Variants in SPON1 observed in about 807,000 individuals in gnomAD.
SPON1 encodes spondin 1.
SPON1 carries 52 observed loss-of-function variants against 111.7 expected under a neutral mutation model. The ratio of observed to expected loss-of-function variants is 0.47; its 90% CI spans 0.37 to 0.59. The LOEUF is 0.59. SPON1 is among the 20% of genes least tolerant of loss of function. The probability of loss-of-function intolerance (pLI) is 0.00; values close to 1 mark genes in which losing one functional copy is unlikely to be tolerated. For missense variants in SPON1, 957 were observed against 1,068.5 expected, an observed-to-expected ratio of 0.90 and a Z score of 1.46; for synonymous variants, 410 against 395.8, an observed-to-expected ratio of 1.04 and a Z score of -0.43.
At chr11:14,195,128 A>G (rs4757238) in intron 6 of SPON1, among the ~76,000 whole-genome samples, 54,980 of 152,066 alleles carry the variant, frequency 0.36, 10,938 homozygotes, top group East Asian at 0.55. Context: ...GTCTTTTTCA[A>G]AAGTACATAC....
intron 5 of SPON1, among the ~76,000 whole-genome samples, chr11:14,100,143 G>T (rs1849132193): frequency 6.9e-6 from 1 of 145,882 alleles, no homozygotes; most frequent in Admixed American, 6.8e-5. Flanking sequence ...TACTTACTGA[G>T]TTTTTTTTTT....
intron 6 of SPON1, among the ~76,000 whole-genome samples, chr11:14,218,665 G>C (rs1014750497): frequency 1.3e-5 from 2 of 152,150 alleles, no homozygotes; most frequent in African/African-American, 4.8e-5. Flanking sequence ...GGATTGCCTA[G>C]AGACCCATGA....
At chr11:13,989,143 C>G (rs1427988834) in intron 2 of SPON1, among the ~76,000 whole-genome samples, 1 of 152,064 alleles carries the variant, frequency 6.6e-6, no homozygotes, top group Non-Finnish European at 1.5e-5. Context: ...CTCTTTGTAC[C>G]TCTGGTAGAA....
At chr11:14,059,468 C>A (rs1171596725) in intron 3 of SPON1, among the ~76,000 whole-genome samples, 5 of 152,022 alleles carry the variant, frequency 3.3e-5, no homozygotes, top group African/African-American at 1.2e-4. Context: ...CCCACTACCC[C>A]CTCAGGGCTC....
intron 1 of SPON1, among the ~76,000 whole-genome samples, chr11:13,979,115 C>T (rs1848124693): frequency 6.6e-6 from 1 of 152,108 alleles, no homozygotes; most frequent in Non-Finnish European, 1.5e-5. Context: ...TCAAGGTATC[C>T]GACGGTGTTT....
chr11:14,251,799 T>C (rs1014738400), intron 7 of SPON1, among the ~76,000 whole-genome samples: 41 of 152,138 alleles, frequency 2.7e-4, no homozygotes, highest in African/African-American at 9.2e-4. Flanking sequence ...CTAGGCGAGG[T>C]AATGCCACAC....
intron 1 of SPON1, among the ~76,000 whole-genome samples, chr11:13,978,634 T>G (rs1374468189): frequency 1.3e-5 from 2 of 152,198 alleles, no homozygotes; most frequent in Admixed American, 1.3e-4. Context: ...TAGGTATTTT[T>G]AATTTCAGTA....
At chr11:14,247,251 A>G (rs1554940317) in intron 7 of SPON1, among the ~76,000 whole-genome samples, 1 of 152,190 alleles carries the variant, frequency 6.6e-6, no homozygotes, top group East Asian at 1.9e-4. Flanking sequence ...TCTACAAAAA[A>G]TTTTAAAAAC....
intron 6 of SPON1, among the ~76,000 whole-genome samples, chr11:14,155,590 G>T (rs368652907): frequency 1.1e-3 from 174 of 151,306 alleles, no homozygotes; most frequent in Non-Finnish European, 2.2e-3. Flanking sequence ...ATGCTGGTGC[G>T]CTGCACCCAC....
At chr11:14,247,595 G>A (rs1332202404) in intron 7 of SPON1, among the ~76,000 whole-genome samples, 1 of 152,194 alleles carries the variant, frequency 6.6e-6, no homozygotes, top group Non-Finnish European at 1.5e-5. Flanking sequence ...TGGTGGAAAA[G>A]GAGAGAGGTA....
At chr11:14,065,332 A>G (rs1220932946) in intron 3 of SPON1, among the ~76,000 whole-genome samples, 2 of 152,218 alleles carry the variant, frequency 1.3e-5, no homozygotes, top group Admixed American at 6.5e-5. Context: ...AGTGGGACGA[A>G]CTGCGGAGAG....
chr11:14,124,631 T>C lies in SPON1; in HGVS notation c.677-10789T>C, dbSNP rs147142887. ...GTATGAAGGGCCAAACAGTAAATAT[T>C]TTAGAGATTGTAGGCCAGACATCTT... On this transcript the variant is annotated intron_variant, in intron 5 of 15. Transcript: ENST00000576479. 2.7e-3 allele frequency among the ~76,000 whole-genome samples: 417 copies of C among 152,290 alleles called. 2 individuals are homozygous for C. The highest frequency in any genetic ancestry group is 9.1e-3 in the African/African-American group (380 of 41,542).
chr11:13,989,284 T>G (rs561245951), intron 2 of SPON1, among the ~76,000 whole-genome samples: 1 of 152,214 alleles, frequency 6.6e-6, no homozygotes, highest in Non-Finnish European at 1.5e-5. Flanking sequence ...TGGGAGGGTT[T>G]ATGTGTCCAG....
intron 5 of SPON1, among the ~76,000 whole-genome samples, chr11:14,100,422 T>C (rs540031072): frequency 7.9e-4 from 120 of 152,262 alleles, no homozygotes; most frequent in Non-Finnish European, 1.4e-3. Context: ...TTCCATTGCC[T>C]AAATTATTTT....
At chr11:13,987,399 TTTTG>T (rs200028849) in intron 2 of SPON1, among the ~76,000 whole-genome samples, 7,169 of 151,996 alleles carry the variant, frequency 0.047, 537 homozygotes, top group African/African-American at 0.16. Context: ...TTTGCCCACT[TTTTG>T]TTTGTTTTTT....
intron 6 of SPON1, among the ~76,000 whole-genome samples, chr11:14,161,237 T>TTATATATATTTATATATTTA (rs200834992): frequency 1.9e-5 from 1 of 52,688 alleles, no homozygotes; most frequent in African/African-American, 7.4e-5. Flanking sequence ...ATTTATATAT[T>TTATATATATTTATATATTTA]TATATATCTA....
At chr11:14,246,698 A>T (rs892383957) in intron 7 of SPON1, among the ~76,000 whole-genome samples, 45 of 152,148 alleles carry the variant, frequency 3.0e-4, no homozygotes, top group Non-Finnish European at 1.3e-4. Flanking sequence ...AAGTCCTGTG[A>T]AAGGTGCTTA....
intron 3 of SPON1, among the ~76,000 whole-genome samples, chr11:14,055,999 C>G (rs781948808): frequency 3.3e-5 from 5 of 152,200 alleles, no homozygotes; most frequent in Non-Finnish European, 7.3e-5. Context: ...CCCCAATTTC[C>G]AGACCTAACT....
intron 5 of SPON1, among the ~76,000 whole-genome samples, chr11:14,112,502 GA>G (rs1280975272): frequency 6.6e-6 from 1 of 152,224 alleles, no homozygotes; most frequent in Non-Finnish European, 1.5e-5. Context: ...ATTAAATGGG[GA>G]TAATAATAAT....
Sources: gnomAD v4.1 joint callset for allele counts (sites outside exome capture counted in the v4.1 genomes callset) on GRCh38, gnomAD v4.1.1 for gene constraint, MANE v1.5 for transcripts, NCBI Gene and HGNC (gene_info 2026-07-23, HGNC 2026-07-21) for gene names.